Variants in ZFAND4 observed in about 807,000 individuals in gnomAD.
ZFAND4 encodes AN1-type zinc finger protein 4.
In ZFAND4, 43 loss-of-function variants were observed where a neutral mutation model predicts 64.4. The ratio of observed to expected loss-of-function variants is 0.67; its 90% CI spans 0.52 to 0.86. ZFAND4 has a LOEUF of 0.86. ZFAND4 is among the 40% of genes least tolerant of loss of function. The probability of loss-of-function intolerance (pLI) is 0.00; values close to 1 mark genes in which losing one functional copy is unlikely to be tolerated. For synonymous variants in ZFAND4, 296 were observed against 305.7 expected (o/e 0.97, Z 0.33); for missense variants, 929 against 859.8 (o/e 1.08, Z -1.01).
intron 7 of ZFAND4, 94 bp downstream of exon 7, chr10:45,625,857 G>T: frequency 8.8e-7 from 1 of 1,136,444 alleles, no homozygotes; most frequent in Non-Finnish European, 1.2e-6. Context: ...TCTAATCTTA[G>T]CCTTCCTTAT....
intron 8 of ZFAND4, among the ~76,000 whole-genome samples, chr10:45,622,875 A>T (rs751807341): frequency 5.3e-5 from 8 of 152,136 alleles, no homozygotes; most frequent in Non-Finnish European, 1.0e-4. Context: ...GTTTATGGAA[A>T]GTATCTTTAA....
intron 9 of ZFAND4, among the ~76,000 whole-genome samples, chr10:45,617,256 T>C (rs1345746861): frequency 1.3e-5 from 2 of 152,116 alleles, no homozygotes; most frequent in African/African-American, 4.8e-5. Flanking sequence ...AACCTAACTA[T>C]GCCATGAAAG....
chr10:45,661,789 AATC>A (rs919751247), intron 2 of ZFAND4, among the ~76,000 whole-genome samples: 5 of 151,960 alleles, frequency 3.3e-5, no homozygotes, highest in African/African-American at 1.2e-4. Context: ...AAAAGTGCAA[AATC>A]AGTCAGGCAT....
At chr10:45,642,050 T>C (rs1179578683) in intron 5 of ZFAND4, among the ~76,000 whole-genome samples, 1 of 152,298 alleles carries the variant, frequency 6.6e-6, no homozygotes, top group Non-Finnish European at 1.5e-5. Flanking sequence ...AGGCCAACTA[T>C]ACAATACCTG....
chr10:45,621,833 T>A (rs918079513), intron 8 of ZFAND4, among the ~76,000 whole-genome samples: 4 of 152,214 alleles, frequency 2.6e-5, no homozygotes, highest in Middle Eastern at 3.4e-3. Flanking sequence ...AGCCTAGAAT[T>A]TTTTTTAAAA....
intron 2 of ZFAND4, among the ~76,000 whole-genome samples, chr10:45,655,019 A>G (rs1163552913): frequency 6.6e-6 from 1 of 152,240 alleles, no homozygotes; most frequent in Non-Finnish European, 1.5e-5. Flanking sequence ...AGATATTTAC[A>G]GAACATTCAA....
chr10:45,642,271 T>C (rs1264232134), intron 5 of ZFAND4, among the ~76,000 whole-genome samples: 1 of 152,054 alleles, frequency 6.6e-6, no homozygotes, highest in Admixed American at 6.5e-5. Context: ...ATGGAATAGA[T>C]ACATATATAC....
chr10:45,635,211 AAAC>A (rs2046491597), intron 6 of ZFAND4, among the ~76,000 whole-genome samples: 1 of 145,166 alleles, frequency 6.9e-6, no homozygotes. Context: ...AAAAAAAAAA[AAAC>A]AAAAAAAAAA....
chr10:45,646,273 C>T (rs546397771), intron 5 of ZFAND4, among the ~76,000 whole-genome samples: 7 of 152,290 alleles, frequency 4.6e-5, no homozygotes, highest in African/African-American at 1.7e-4. Context: ...ATCCTTGATG[C>T]TGTCTCTTGG....
At chr10:45,638,368 C>T (rs1589320675) in intron 6 of ZFAND4, among the ~76,000 whole-genome samples, 1 of 150,866 alleles carries the variant, frequency 6.6e-6, no homozygotes, top group South Asian at 2.1e-4. Context: ...GTGGCGGGCG[C>T]CTGTGGTCTC....
At position 45,631,928 on chromosome 10, in the gene ZFAND4, C is replaced by T. The variant is rs1353212182; in HGVS notation, c.718-4823G>A. Among the ~76,000 whole-genome samples the T allele has an allele frequency of 4.6e-5, 7 of 152,114 alleles. No homozygotes were observed. In the South Asian group the frequency reaches 1.5e-3, roughly 32 times the overall value. On this transcript the variant is annotated intron_variant, in intron 6 of 9. Transcript: ENST00000344646. ...GTAAAAACAAATAAAAATGTTAAGTCTAAAGAAAAGGGTTTGAACATCGAA... is the reference window on the plus strand; with the variant it reads ...GTAAAAACAAATAAAAATGTTAAGTTTAAAGAAAAGGGTTTGAACATCGAA...
At chr10:45,618,349 C>G in intron 8 of ZFAND4, 89 bp from the exon 9 acceptor site, 1 of 1,459,868 alleles carries the variant, frequency 6.8e-7, no homozygotes, top group South Asian at 1.3e-5. Context: ...ATAGTCCTAT[C>G]AAAGTAAATA....
chr10:45,663,803 T>C lies in ZFAND4; in HGVS notation c.-78A>G, dbSNP rs560204344. ...GTTCTAGGCAAACCAGGTTTGAAGA[T>C]TGGTAATATATATTGTTGTTCATGT... On this transcript the variant is annotated 5_prime_UTR_variant, in exon 2 of 10. Coordinates refer to ENST00000344646, the MANE Select transcript of ZFAND4 (RefSeq NM_174890.4). The C allele has an allele frequency of 1.9e-4, 236 of 1,254,262 alleles. 1 individual carries two copies. In the African/African-American group the frequency reaches 2.6e-3, roughly 14 times the overall value. 77.7% of individuals were successfully genotyped at this position (1,254,262 alleles called of 1,614,324 possible). A position where few individuals can be genotyped will look rare whatever the true frequency, so the allele number is the denominator to read the frequency against.
At chr10:45,621,281 A>G (rs1004846639) in intron 8 of ZFAND4, among the ~76,000 whole-genome samples, 2 of 152,178 alleles carry the variant, frequency 1.3e-5, no homozygotes, top group Admixed American at 6.5e-5. Context: ...ACTCTTCTAG[A>G]TAATTCAGAA....
intron 5 of ZFAND4, chr10:45,640,423 TAA>T (rs35229531): frequency 0.056 from 49,370 of 874,320 alleles, no homozygotes; most frequent in South Asian, 0.064. Flanking sequence ...AGATTCTCAC[TAA>T]AAAAAAAAAA....
In ZFAND4 at chr10:45,618,184, A is replaced by C. The variant is rs138249221; in HGVS notation, c.2004T>G (p.Phe668Leu). ...CCAGTCCTGTTTTCTTTCCACAAAG[A>C]AAACAATGATTTGTTGTTTTCTTCT... ...QTKKKTTNHC[F>L]LCGKKTGLAS... The change falls in exon 9 of 10, where the codon TTT (phenylalanine) becomes TTG (leucine). Residue 668 changes from phenylalanine to leucine, a missense_variant. Coordinates refer to ENST00000344646, the MANE Select transcript of ZFAND4 (RefSeq NM_174890.4). The C allele has an allele frequency of 1.9e-5, 30 of 1,613,646 alleles. No homozygotes were observed. In the African/African-American group the frequency reaches 3.7e-4, roughly 20 times the overall value.
In ZFAND4 at chr10:45,628,600, C is replaced by T. The variant is rs961584882; in HGVS notation, c.718-1495G>A. Reference sequence around the variant, plus strand: ...CTGGGATTACAGGTGTGAGCCACCACGCCTGGCCCAATCTGTAATTCTTTA... The same window carrying T: ...CTGGGATTACAGGTGTGAGCCACCATGCCTGGCCCAATCTGTAATTCTTTA... On this transcript the variant is annotated intron_variant, in intron 6 of 9. Coordinates refer to ENST00000344646, the MANE Select transcript of ZFAND4 (RefSeq NM_174890.4). 3.9e-5 allele frequency among the ~76,000 whole-genome samples: 6 copies of T among 152,244 alleles called. No individual in the cohort carries two copies. In the East Asian group the frequency reaches 7.7e-4, roughly 20 times the overall value.
intron 1 of ZFAND4, among the ~76,000 whole-genome samples, chr10:45,667,971 T>A (rs2048941559): frequency 6.6e-6 from 1 of 152,196 alleles, no homozygotes; most frequent in South Asian, 2.1e-4. Flanking sequence ...TTTAGGTGGG[T>A]TTTCTTTTTA....
chr10:45,665,547 A>T (rs1449298188), intron 1 of ZFAND4, among the ~76,000 whole-genome samples: 2 of 152,152 alleles, frequency 1.3e-5, no homozygotes, highest in Non-Finnish European at 2.9e-5. Context: ...TCATTAAATA[A>T]GAAAAAAAAA....
Sources: gnomAD v4.1 joint callset for allele counts (sites outside exome capture counted in the v4.1 genomes callset) on GRCh38, gnomAD v4.1.1 for gene constraint, MANE v1.5 for transcripts, NCBI Gene and HGNC (gene_info 2026-07-23, HGNC 2026-07-21) for gene names.